Variants in AGBL4 observed in about 807,000 individuals in gnomAD.
AGBL4 encodes AGBL carboxypeptidase 4.
Under a neutral mutation model 66.4 loss-of-function variants are expected in AGBL4, and 58 were observed. That is an observed-to-expected ratio of 0.87 (90% CI 0.71 to 1.09). The LOEUF is 1.09. Ranked by LOEUF, AGBL4 falls within the 50% of genes least tolerant of loss-of-function variation. AGBL4 has a pLI of 0.00. For missense variants in AGBL4, 579 were observed against 631.0 expected, an observed-to-expected ratio of 0.92 and a Z score of 0.88; for synonymous variants, 234 against 222.9, an observed-to-expected ratio of 1.05 and a Z score of -0.44.
intron 4 of AGBL4, among the ~76,000 whole-genome samples, chr1:49,232,591 T>C (rs140095474): frequency 0.028 from 4,189 of 151,630 alleles, 171 homozygotes; most frequent in African/African-American, 0.096. Flanking sequence ...CCCAGCTACT[T>C]GGGAGGCTGA....
At chr1:48,534,846 G>A in intron 13 of AGBL4, 44 bp downstream of exon 13, 1 of 1,535,914 alleles carries the variant, frequency 6.5e-7, no homozygotes, top group Non-Finnish European at 8.8e-7. Flanking sequence ...GCACATGCAT[G>A]GTATGTTACT....
intron 1 of AGBL4, among the ~76,000 whole-genome samples, chr1:49,859,684 AC>A (rs1211815688): frequency 3.9e-5 from 6 of 151,950 alleles, no homozygotes; most frequent in Non-Finnish European, 5.9e-5. Context: ...ACTAAAAATT[AC>A]CCCCCAGTAT....
At chr1:49,460,185 G>A (rs1646480463) in intron 3 of AGBL4, among the ~76,000 whole-genome samples, 2 of 151,666 alleles carry the variant, frequency 1.3e-5, no homozygotes. Flanking sequence ...TGTCAGTGGA[G>A]TATTAAAGTT....
chr1:48,907,639 T>C (rs1652733991), intron 5 of AGBL4, among the ~76,000 whole-genome samples: 1 of 152,166 alleles, frequency 6.6e-6, no homozygotes, highest in Non-Finnish European at 1.5e-5. Flanking sequence ...ACATCTGCAA[T>C]CTTTTGGGGT....
chr1:49,954,682 A>G (rs1260333951), intron 1 of AGBL4, among the ~76,000 whole-genome samples: 2 of 152,028 alleles, frequency 1.3e-5, no homozygotes, highest in Non-Finnish European at 2.9e-5. Context: ...AGGCATAAAT[A>G]TGAGACTTTC....
intron 2 of AGBL4, chr1:49,846,524 T>TA: frequency 1.5e-6 from 1 of 678,042 alleles, no homozygotes; most frequent in Non-Finnish European, 2.3e-6. Context: ...AACAGACTAA[T>TA]ACAAAAGTGA....
intron 3 of AGBL4, among the ~76,000 whole-genome samples, chr1:49,554,704 C>A (rs372113217): frequency 6.6e-6 from 1 of 152,128 alleles, no homozygotes; most frequent in African/African-American, 2.4e-5. Flanking sequence ...AGACGCGGAC[C>A]CTCGCGGTGA....
chr1:49,076,973 T>C (rs940083048), intron 4 of AGBL4, among the ~76,000 whole-genome samples: 28 of 152,192 alleles, frequency 1.8e-4, no homozygotes, highest in Non-Finnish European at 1.8e-4. Flanking sequence ...CTTTAAGGAA[T>C]GTACCCACGT....
chr1:48,794,932 C>G (rs906786587), intron 6 of AGBL4, among the ~76,000 whole-genome samples: 5 of 152,126 alleles, frequency 3.3e-5, no homozygotes, highest in Non-Finnish European at 2.9e-5. Flanking sequence ...TTTTGAGAAG[C>G]CTGCTTCTCC....
intron 5 of AGBL4, among the ~76,000 whole-genome samples, chr1:48,999,373 A>G (rs1661234146): frequency 6.6e-6 from 1 of 152,174 alleles, no homozygotes; most frequent in South Asian, 2.1e-4. Context: ...GTCCTCAGAA[A>G]TACCTTCAGG....
At position 48,944,808 on chromosome 1, in the gene AGBL4, T is replaced by G. The variant is rs1656325368; in HGVS notation, c.595-77578A>C. ...ATATCAAGGTAAACAATTCTTAGTG[T>G]TACATATGGGGAAAGCAGAGCAAGG... On this transcript the variant is annotated intron_variant, in intron 5 of 13. Transcript: ENST00000371839. 3.3e-5 allele frequency among the ~76,000 whole-genome samples: 5 copies of G among 152,282 alleles called. No individual in the cohort carries two copies. The South Asian group carries it at 1.0e-3, about 32-fold the overall frequency.
chr1:49,224,382 C>T (rs1649732781), intron 4 of AGBL4, among the ~76,000 whole-genome samples: 1 of 152,072 alleles, frequency 6.6e-6, no homozygotes, highest in Non-Finnish European at 1.5e-5. Context: ...CTTTGGGTGG[C>T]CAAGGCAGGC....
At chr1:49,538,426 G>A (rs1458737201) in intron 3 of AGBL4, among the ~76,000 whole-genome samples, 12 of 152,112 alleles carry the variant, frequency 7.9e-5, no homozygotes. Context: ...TACTTAATGG[G>A]TACAATGTAC....
intron 4 of AGBL4, among the ~76,000 whole-genome samples, chr1:49,130,975 T>C (rs1036692006): frequency 3.9e-5 from 6 of 152,126 alleles, no homozygotes; most frequent in African/African-American, 1.2e-4. Context: ...TAAACATTCA[T>C]AGTAGCTTTA....
intron 3 of AGBL4, among the ~76,000 whole-genome samples, chr1:49,464,898 C>T (rs369617968): frequency 1.3e-5 from 2 of 151,630 alleles, no homozygotes; most frequent in African/African-American, 4.8e-5. Context: ...CACCCCCACC[C>T]AACAACTACC....
intron 5 of AGBL4, among the ~76,000 whole-genome samples, chr1:49,034,401 C>T (rs1166077034): frequency 1.3e-5 from 2 of 152,108 alleles, no homozygotes; most frequent in Non-Finnish European, 2.9e-5. Context: ...TGATATAAAA[C>T]TGATGTAAAA....
chr1:48,895,275 G>A (rs903505811), intron 5 of AGBL4, among the ~76,000 whole-genome samples: 54 of 152,172 alleles, frequency 3.5e-4, no homozygotes, highest in Admixed American at 1.5e-3. Context: ...GTCAGAGGTC[G>A]GCTTGTTGAC....
chr1:48,830,124 T>C (rs1280508074), intron 6 of AGBL4, among the ~76,000 whole-genome samples: 1 of 152,212 alleles, frequency 6.6e-6, no homozygotes, highest in African/African-American at 2.4e-5. Flanking sequence ...TTGGGAGATC[T>C]GGATTCAAAT....
At chr1:48,975,348 C>G (rs761283578) in intron 5 of AGBL4, among the ~76,000 whole-genome samples, 3 of 151,982 alleles carry the variant, frequency 2.0e-5, no homozygotes, top group Non-Finnish European at 4.4e-5. Flanking sequence ...TGCAGTAGGT[C>G]CAGACTACAA....
Sources: gnomAD v4.1 joint callset for allele counts (sites outside exome capture counted in the v4.1 genomes callset) on GRCh38, gnomAD v4.1.1 for gene constraint, MANE v1.5 for transcripts, NCBI Gene and HGNC (gene_info 2026-07-23, HGNC 2026-07-21) for gene names.